Variants in FNBP1 observed in about 807,000 individuals in gnomAD.
FNBP1 encodes formin-binding protein 1.
Under a neutral mutation model 90.6 loss-of-function variants are expected in FNBP1, and 26 were observed. That is an observed-to-expected ratio of 0.29 (90% confidence interval 0.21 to 0.40). The LOEUF is 0.40. Ranked by LOEUF, FNBP1 falls within the 10% of genes least tolerant of loss-of-function variation. The probability of loss-of-function intolerance (pLI) is 1.00; values close to 1 mark genes in which losing one functional copy is unlikely to be tolerated. For synonymous variants in FNBP1, 260 were observed against 265.2 expected (o/e 0.98, Z 0.19); for missense variants, 635 against 768.0 (o/e 0.83, Z 2.05).
chr9:129,983,759 C>T (rs377321146), intron 2 of FNBP1, among the ~76,000 whole-genome samples: 36 of 151,980 alleles, frequency 2.4e-4, no homozygotes, highest in African/African-American at 8.2e-4. Flanking sequence ...TGCAGTGAGC[C>T]GAGATCATGC....
In FNBP1 at chr9:129,994,905, C is replaced by A; in HGVS notation, c.78G>T (p.Glu26Asp). 1 of 1,609,018 alleles carries A rather than the reference C, an allele frequency of 6.2e-7. No homozygotes were observed. The highest frequency in any genetic ancestry group is 1.1e-5 in the South Asian group (1 of 90,434). Residue 26 changes from glutamate (E) to aspartate (D), a missense_variant, in exon 2 of 17, where the codon GAG becomes GAT. By Grantham distance (45) the Glu-to-Asp change is conservative. Coordinates refer to ENST00000446176, the MANE Select transcript of FNBP1 (RefSeq NM_015033.3). ...TTTCTTTCACAAACTTGATATATTT[C>A]TCAAGAATATCAATTCCCCACTGTG... ...KHTQWGIDIL[E>D]KYIKFVKERT...
intron 6 of FNBP1, among the ~76,000 whole-genome samples, chr9:129,932,782 A>G (rs1810276757): frequency 6.6e-6 from 1 of 151,940 alleles, no homozygotes; most frequent in Admixed American, 6.6e-5. Flanking sequence ...TCTAGCCCCA[A>G]AATGTTAAGT....
At chr9:129,901,409 T>C (rs1283456958) in intron 13 of FNBP1, among the ~76,000 whole-genome samples, 3 of 151,696 alleles carry the variant, frequency 2.0e-5, no homozygotes, top group Non-Finnish European at 4.4e-5. Context: ...TGGTGGCACA[T>C]GCCTGTAGTC....
chr9:129,896,105 A>C, intron 15 of FNBP1, 109 bp from the exon 16 acceptor site: 1 of 1,161,892 alleles, frequency 8.6e-7, no homozygotes, highest in East Asian at 2.4e-5. Context: ...GTCCACACAA[A>C]ATTCACCCCA....
intron 11 of FNBP1, among the ~76,000 whole-genome samples, chr9:129,914,284 T>C (rs550582239): frequency 1.1e-4 from 17 of 152,070 alleles, no homozygotes; most frequent in Admixed American, 1.0e-3. Context: ...GCAATCTTCC[T>C]GCCTCAGCCT....
chr9:130,019,867 T>G (rs968344303), intron 1 of FNBP1, among the ~76,000 whole-genome samples: 8 of 151,396 alleles, frequency 5.3e-5, no homozygotes, highest in Admixed American at 2.0e-4. Flanking sequence ...CCACAATGCT[T>G]ATTTTATCTA....
intron 11 of FNBP1, among the ~76,000 whole-genome samples, chr9:129,910,743 G>C (rs916705545): frequency 2.6e-5 from 4 of 152,036 alleles, no homozygotes; most frequent in Admixed American, 6.6e-5. Flanking sequence ...GATGTGCTGG[G>C]AAGTGTGTGA....
chr9:129,938,911 C>T (rs1449012527), intron 6 of FNBP1, among the ~76,000 whole-genome samples: 3 of 152,114 alleles, frequency 2.0e-5, no homozygotes, highest in African/African-American at 7.2e-5. Flanking sequence ...CCCCCCTTTC[C>T]CCCCTGGTTT....
At chr9:129,918,433 T>C (rs2040580283) in intron 10 of FNBP1, among the ~76,000 whole-genome samples, 1 of 152,236 alleles carries the variant, frequency 6.6e-6, no homozygotes, top group Non-Finnish European at 1.5e-5. Flanking sequence ...ATTAAAAAGC[T>C]GTCAGTTTCA....
In FNBP1 at chr9:129,887,445, AT is replaced by A. The variant is rs1469951142; in HGVS notation, c.*3093del. 2 of 200,780 alleles carry A rather than the reference AT, an allele frequency of 1.0e-5. No individual in the cohort carries two copies. The highest frequency in any genetic ancestry group is 2.1e-5 in the Non-Finnish European group (2 of 97,448). The allele number at this position is 200,780 out of a possible 1,614,324, so 12.4% of individuals were successfully genotyped here. A position where few individuals can be genotyped will look rare whatever the true frequency, so the allele number is the denominator to read the frequency against. On this transcript the variant is annotated 3_prime_UTR_variant, in exon 17 of 17. Transcript: ENST00000446176. ...CTGGACCTTTTTAAAAAGTTTTTGG[AT>A]GATATAAGCACAGGAGGCAGAGCCA...
intron 16 of FNBP1, chr9:129,895,434 G>A (rs988981700): frequency 3.6e-6 from 4 of 1,110,122 alleles, no homozygotes. Flanking sequence ...GTGGATACTA[G>A]ATATAAACAA....
intron 4 of FNBP1, among the ~76,000 whole-genome samples, chr9:129,963,029 C>T (rs1011467397): frequency 6.6e-6 from 1 of 152,148 alleles, no homozygotes; most frequent in Non-Finnish European, 1.5e-5. Flanking sequence ...TAAGCCGGAG[C>T]ACCGAGTTAC....
upstream of FNBP1, chr9:130,043,327 CG>C (rs2060004089): frequency 5.4e-6 from 1 of 186,168 alleles, no homozygotes; most frequent in Non-Finnish European, 1.1e-5. Context: ...CTCCCCCGGC[CG>C]GGTCCGCGTC....
intron 13 of FNBP1, among the ~76,000 whole-genome samples, chr9:129,902,200 G>T (rs1236090457): frequency 1.3e-5 from 2 of 152,070 alleles, no homozygotes; most frequent in African/African-American, 4.8e-5. Flanking sequence ...TATTTCAGGG[G>T]ATTTTTTTCA....
At chr9:129,945,158 GAAT>G (rs2045047260) in intron 6 of FNBP1, among the ~76,000 whole-genome samples, 3 of 152,054 alleles carry the variant, frequency 2.0e-5, no homozygotes, top group Admixed American at 6.6e-5. Context: ...ATAAAGAAGA[GAAT>G]AATAAACGTG....
chr9:130,010,771 T>TC (rs386416326), intron 1 of FNBP1, among the ~76,000 whole-genome samples: 1 of 151,216 alleles, frequency 6.6e-6, no homozygotes, highest in East Asian at 1.9e-4. Flanking sequence ...GGTCTTTTTT[T>TC]TTTTTTTGTC....
chr9:129,914,793 ATC>A (rs1554775320), intron 11 of FNBP1: 3 of 161,452 alleles, frequency 1.9e-5, no homozygotes, highest in African/African-American at 8.1e-5. Context: ...ATATATATAT[ATC>A]TCACCATAAA....
chr9:129,893,612 C>CAAAAAAAAAAAAAAAAAA lies in FNBP1; in HGVS notation c.1846+2208_1846+2225dup, dbSNP rs1216398298. On this transcript the variant is annotated intron_variant, in intron 16 of 16. Coordinates refer to ENST00000446176, the MANE Select transcript of FNBP1 (RefSeq NM_015033.3). The stretch of plus-strand genomic sequence containing the variant: ...TAGGTGACAGAGTGAGACTCTGTCT[C>CAAAAAAAAAAAAAAAAAA]AAAAAAAAAAAAAAAAAAAAAAAAA... Among the ~76,000 whole-genome samples, 13 of 22,314 alleles carry CAAAAAAAAAAAAAAAAAA rather than the reference C, an allele frequency of 5.8e-4. 6 individuals carry two copies. Among genetic ancestry groups the CAAAAAAAAAAAAAAAAAA allele is most frequent in the Non-Finnish European group, 9.7e-4 (12 of 12,398 alleles). The allele number at this position is 22,314 out of a possible 152,430, so 14.6% of individuals were successfully genotyped here.
intron 1 of FNBP1, among the ~76,000 whole-genome samples, chr9:130,037,522 A>G (rs1316680134): frequency 1.3e-5 from 2 of 152,188 alleles, no homozygotes; most frequent in African/African-American, 4.8e-5. Flanking sequence ...ATTTCGACAC[A>G]CTAGGGAAAA....
Sources: gnomAD v4.1 joint callset for allele counts (sites outside exome capture counted in the v4.1 genomes callset) on GRCh38, gnomAD v4.1.1 for gene constraint, MANE v1.5 for transcripts, NCBI Gene and HGNC (gene_info 2026-07-23, HGNC 2026-07-21) for gene names.